The following HDAC9 variants were observed in gnomAD, a reference collection of about 807,000 sequenced individuals.
HDAC9 encodes the protein MEF-2 interacting transcription repressor (MITR) protein.
In HDAC9, 41 loss-of-function variants were observed where a neutral mutation model predicts 139.4. The observed-to-expected ratio is 0.29, with a 90% CI of 0.23 to 0.38. HDAC9 has a LOEUF of 0.38. Among genes scored for constraint, HDAC9 ranks in the 10% least tolerant of loss-of-function variants. The pLI is 1.00. For missense variants in HDAC9, 1,147 were observed against 1,297.0 expected, an observed-to-expected ratio of 0.88 and a Z score of 1.78; for synonymous variants, 517 against 476.2, an observed-to-expected ratio of 1.09 and a Z score of -1.12.
chr7:18,812,073 CGTT>C (rs371001423), intron 17 of HDAC9, among the ~76,000 whole-genome samples: 13 of 151,696 alleles, frequency 8.6e-5, no homozygotes, highest in African/African-American at 3.1e-4. Context: ...TCAGGTAAAT[CGTT>C]GTTATGCTGT....
At chr7:18,584,818 T>G (rs1349242611) in intron 2 of HDAC9, among the ~76,000 whole-genome samples, 2 of 152,230 alleles carry the variant, frequency 1.3e-5, no homozygotes, top group Non-Finnish European at 2.9e-5. Context: ...ACCTTTACTT[T>G]GTAAAGTTGA....
intron 2 of HDAC9, among the ~76,000 whole-genome samples, chr7:18,199,644 G>A (rs1790969935): frequency 6.6e-6 from 1 of 151,512 alleles, no homozygotes; most frequent in African/African-American, 2.4e-5. Flanking sequence ...AATTAGTTGG[G>A]CGTGGTGGCA....
At chr7:18,750,456 A>G (rs189505618) in intron 14 of HDAC9, among the ~76,000 whole-genome samples, 1 of 152,344 alleles carries the variant, frequency 6.6e-6, no homozygotes, top group East Asian at 1.9e-4. Context: ...TGGTAGAATT[A>G]TCAAACAGTT....
At chr7:18,967,596 G>C (rs1236390938) in intron 24 of HDAC9, among the ~76,000 whole-genome samples, 6 of 149,062 alleles carry the variant, frequency 4.0e-5, no homozygotes, top group Non-Finnish European at 7.4e-5. Flanking sequence ...ATTTGGTTTT[G>C]CATTGATATA....
chr7:18,834,855 T>C (rs1269500037), intron 19 of HDAC9, among the ~76,000 whole-genome samples: 1 of 152,240 alleles, frequency 6.6e-6, no homozygotes. Context: ...TTTATTCAGC[T>C]GGTTGCAAAG....
chr7:18,444,147 T>C, intron 1 of HDAC9, among the ~76,000 whole-genome samples: 1 of 151,730 alleles, frequency 6.6e-6, no homozygotes, highest in East Asian at 1.9e-4. Context: ...AAGACTAGCC[T>C]GACAAATATG....
At chr7:18,934,909 ACT>A (rs1175310355) in intron 22 of HDAC9, among the ~76,000 whole-genome samples, 12 of 152,082 alleles carry the variant, frequency 7.9e-5, no homozygotes, top group South Asian at 2.1e-4. Flanking sequence ...AAGAAAACCA[ACT>A]CTCTGCCAAT....
intron 1 of HDAC9, chr7:18,459,030 C>T (rs1364756404): frequency 1.5e-6 from 1 of 671,258 alleles, no homozygotes; most frequent in Admixed American, 2.3e-5. Flanking sequence ...TATGCTTGAC[C>T]CAGTTTTGCC....
intron 2 of HDAC9, among the ~76,000 whole-genome samples, chr7:18,541,649 G>T (rs1383012427): frequency 6.6e-6 from 1 of 151,958 alleles, no homozygotes; most frequent in Non-Finnish European, 1.5e-5. Flanking sequence ...TATTTTTGTT[G>T]GAACAGAAAC....
chr7:18,666,124 G>C, intron 11 of HDAC9, 89 bp from the exon 12 acceptor site: 5 of 1,313,346 alleles, frequency 3.8e-6, no homozygotes, highest in Non-Finnish European at 5.3e-6. Flanking sequence ...AAATCACAGT[G>C]TATGAGTTAT....
chr7:18,744,719 C>T (rs528632529), intron 13 of HDAC9, among the ~76,000 whole-genome samples: 22 of 151,834 alleles, frequency 1.4e-4, no homozygotes, highest in Admixed American at 1.2e-3. Context: ...CAACTACATG[C>T]AATAAAGAAG....
At chr7:18,154,335 G>A (rs1294867644) in intron 1 of HDAC9, among the ~76,000 whole-genome samples, 1 of 152,144 alleles carries the variant, frequency 6.6e-6, no homozygotes, top group Non-Finnish European at 1.5e-5. Context: ...AAAAGCTTTA[G>A]TAATTAGATA....
chr7:18,408,128 A>G (rs746849491), intron 1 of HDAC9, among the ~76,000 whole-genome samples: 26 of 152,212 alleles, frequency 1.7e-4, no homozygotes, highest in African/African-American at 2.9e-4. Flanking sequence ...AATACTTATT[A>G]GTATGATGAT....
intron 9 of HDAC9, among the ~76,000 whole-genome samples, chr7:18,646,206 C>T (rs1787347540): frequency 6.6e-6 from 1 of 152,084 alleles, no homozygotes; most frequent in Admixed American, 6.6e-5. Context: ...CTTCTTATGA[C>T]ACATGAATAG....
chr7:18,140,962 C>G (rs1314889404), intron 1 of HDAC9, among the ~76,000 whole-genome samples: 2 of 150,730 alleles, frequency 1.3e-5, no homozygotes, highest in African/African-American at 2.4e-5. Context: ...CTTCCCATGC[C>G]TTCATAAAGC....
intron 16 of HDAC9, among the ~76,000 whole-genome samples, chr7:18,785,035 T>G (rs1791592306): frequency 6.6e-6 from 1 of 151,970 alleles, no homozygotes; most frequent in African/African-American, 2.4e-5. Context: ...CCTTGACCCT[T>G]TATTTTGCCA....
At chr7:18,446,800 C>T (rs1429024694) in intron 1 of HDAC9, among the ~76,000 whole-genome samples, 1 of 152,066 alleles carries the variant, frequency 6.6e-6, no homozygotes, top group Non-Finnish European at 1.5e-5. Context: ...CAAGGGCTGC[C>T]TTCTGTGTTA....
intron 1 of HDAC9, among the ~76,000 whole-genome samples, chr7:18,462,644 T>C (rs1018724559): frequency 2.5e-4 from 38 of 152,064 alleles, no homozygotes; most frequent in African/African-American, 8.9e-4. Flanking sequence ...TATATTCTTT[T>C]GTGACTGGCC....
chr7:18,462,797 G>A (rs914571790), intron 1 of HDAC9, among the ~76,000 whole-genome samples: 3 of 151,992 alleles, frequency 2.0e-5, no homozygotes, highest in Admixed American at 1.3e-4. Context: ...CTTGATGGGT[G>A]TTTAGGTGTG....
Sources: gnomAD v4.1 joint callset for allele counts (sites outside exome capture counted in the v4.1 genomes callset) on GRCh38, gnomAD v4.1.1 for gene constraint, MANE v1.5 for transcripts, NCBI Gene and HGNC (gene_info 2026-07-23, HGNC 2026-07-21) for gene names.